The following PTPN13 variants were observed in gnomAD, a reference collection of about 807,000 sequenced individuals.
The protein encoded by PTPN13 is protein tyrosine phosphatase non-receptor type 13.
A neutral mutation model predicts 284.0 loss-of-function variants in PTPN13; 191 were observed. That is an observed-to-expected ratio of 0.67 (90% CI 0.60 to 0.76). The LOEUF is 0.76. Ranked by LOEUF, PTPN13 falls within the 30% of genes least tolerant of loss-of-function variation. The pLI is 0.00. For missense variants in PTPN13, 2,797 were observed against 2,939.9 expected, an observed-to-expected ratio of 0.95 and a Z score of 1.12; for synonymous variants, 986 against 1,022.3, an observed-to-expected ratio of 0.96 and a Z score of 0.68.
chr4:86,606,107 T>C (rs1243957959), intron 1 of PTPN13, among the ~76,000 whole-genome samples: 2 of 151,886 alleles, frequency 1.3e-5, no homozygotes, highest in Non-Finnish European at 3.0e-5. Flanking sequence ...ATTTGCTCAA[T>C]AAGCCAACTA....
Position 86,809,796 on chromosome 4 carries a change from C to G in PTPN13, c.7111C>G (p.Leu2371Val), listed in dbSNP as rs200561858. ...CAGAGAGGTGCGCCATATTTCTCAT[C>G]TGAATTTCACTGCCTGGCCAGACCA... ...QTREVRHISH[L>V]NFTAWPDHDT... is the part of the protein sequence containing the mutation. Residue 2371 changes from leucine to valine, a missense_variant, in exon 46 of 48, where the codon CTG (leucine) becomes GTG (valine). By Grantham distance (32) the Leu-to-Val change is conservative (BLOSUM62 1). Transcript: ENST00000411767. The G allele has an allele frequency of 5.6e-5, 90 of 1,614,044 alleles. No homozygotes were observed. In the African/African-American group the frequency reaches 1.1e-3, roughly 21 times the overall value.
rs528754219 is a variant in PTPN13 at position 86,623,199 on chromosome 4, G to A, written c.-5-12053G>A. Among the ~76,000 whole-genome samples the A allele has an allele frequency of 1.1e-4, 16 of 152,260 alleles. No individual in the cohort carries two copies. In the South Asian group the frequency reaches 2.3e-3, roughly 22 times the overall value. ...GCTGGTGTAAGTCATGGAGTCTAAA[G>A]ACAGGCAGGTATGCAGTTCTGATGT... On this transcript the variant is annotated intron_variant, in intron 1 of 47. Transcript: ENST00000411767.
At position 86,732,644 on chromosome 4, in the gene PTPN13, T is replaced by C; in HGVS notation, c.1736T>C (p.Leu579Pro). Residue 579 changes from leucine (L) to proline (P), a missense_variant, in exon 12 of 48, where the codon CTG becomes CCG. By Grantham distance (98) the Leu-to-Pro change is moderately conservative. Transcript: ENST00000411767. ...DNRRKVNIML[L>P]NGQRLELTCD... is the part of the protein sequence containing the mutation. ...CGAAGGAAAGTAAACATAATGCTTC[T>C]GAACGGGCAAAGACTGGAACTGACC... 1.2e-6 allele frequency: 2 copies of C among 1,613,676 alleles called. No homozygotes were observed. Among genetic ancestry groups the C allele is most frequent in the Non-Finnish European group, 1.7e-6 (2 of 1,179,694 alleles).
chr4:86,644,546 T>G (rs929356044), intron 2 of PTPN13, among the ~76,000 whole-genome samples: 3 of 152,170 alleles, frequency 2.0e-5, no homozygotes, highest in Non-Finnish European at 2.9e-5. Context: ...TAATAGCACT[T>G]CTATACAAAC....
In PTPN13 at chr4:86,762,819, A is replaced by G. The variant is rs1738850663; in HGVS notation, c.3646A>G (p.Lys1216Glu). The change falls in exon 24 of 48, where the codon AAG becomes GAG. Residue 1216 changes from lysine to glutamate, a missense_variant. Coordinates refer to ENST00000411767, the MANE Select transcript of PTPN13 (RefSeq NM_080683.3). ...MQDSAIDSSS[K>E]DHHWSRGTLR... is the part of the protein sequence containing the mutation. ...AGACAGTGCTATAGATTCTTCTTCC[A>G]AGGATCACCACTGGTCACGTGGTAC... 1 of 1,613,774 alleles carries G rather than the reference A, an allele frequency of 6.2e-7. No individual in the cohort carries two copies. The highest frequency in any genetic ancestry group is 8.5e-7 in the Non-Finnish European group (1 of 1,179,808).
At chr4:86,595,847 G>GC (rs1763701484) in intron 1 of PTPN13, 1 of 708,328 alleles carries the variant, frequency 1.4e-6, no homozygotes, top group African/African-American at 2.0e-5. Flanking sequence ...CTAAAGGATG[G>GC]GGGGGGGAGT....
At chr4:86,657,672 A>G (rs1316456493) in intron 2 of PTPN13, among the ~76,000 whole-genome samples, 1 of 152,184 alleles carries the variant, frequency 6.6e-6, no homozygotes, top group Non-Finnish European at 1.5e-5. Flanking sequence ...TTCAAGGACC[A>G]TGACCACTTT....
In PTPN13 at chr4:86,672,348, G is replaced by A; in HGVS notation, c.116-17G>A. The A allele has an allele frequency of 6.7e-7, 1 of 1,489,536 alleles. No individual in the cohort carries two copies. Among genetic ancestry groups the A allele is most frequent in the Non-Finnish European group, 8.9e-7 (1 of 1,120,986 alleles). The allele number at this position is 1,489,536 out of a possible 1,614,324, so 92.3% of individuals were successfully genotyped here. On this transcript the variant is annotated splice_polypyrimidine_tract_variant and intron_variant, in intron 2 of 47. Coordinates refer to ENST00000411767, the MANE Select transcript of PTPN13 (RefSeq NM_080683.3). ...TTCTTTTTTTTTATTTTTTATTTTG[G>A]TGCAATTACAAACCAGTAAGCCTAG... is the stretch of plus-strand genomic sequence containing the variant.
At chr4:86,794,969 A>C (rs1250663024) in intron 40 of PTPN13, among the ~76,000 whole-genome samples, 2 of 152,232 alleles carry the variant, frequency 1.3e-5, no homozygotes, top group South Asian at 2.1e-4. Context: ...AGGTGGTACT[A>C]TTCAGGACAT....
intron 3 of PTPN13, among the ~76,000 whole-genome samples, chr4:86,675,337 C>A (rs967455208): frequency 6.6e-6 from 1 of 152,114 alleles, no homozygotes; most frequent in African/African-American, 2.4e-5. Flanking sequence ...TTTCTTGATC[C>A]TATTCATAAC....
chr4:86,775,112 A>G, intron 33 of PTPN13, 59 bp from the exon 34 acceptor site: 3 of 1,304,384 alleles, frequency 2.3e-6, no homozygotes, highest in Middle Eastern at 2.2e-4. Context: ...TTTCTTGGCA[A>G]TTTAGCTTCT....
At chr4:86,723,878 T>C (rs1002553896) in intron 10 of PTPN13, among the ~76,000 whole-genome samples, 2 of 152,154 alleles carry the variant, frequency 1.3e-5, no homozygotes, top group Admixed American at 6.5e-5. Flanking sequence ...CACTAAGAAA[T>C]TGTATTACCC....
rs373026399 is a variant in PTPN13, at chr4:86,734,887, G to A, written c.2151+12G>A. ...ATTATCAACCAGAGGTAGGATTTGT[G>A]TTTTTTTCCAGGACCATTTTTGTTT... On this transcript the variant is annotated intron_variant, in intron 14 of 47. Transcript: ENST00000411767. The A allele has an allele frequency of 2.5e-6, 4 of 1,605,210 alleles. No homozygotes were observed. Among genetic ancestry groups the A allele is most frequent in the Non-Finnish European group, 3.4e-6 (4 of 1,173,738 alleles).
intron 2 of PTPN13, among the ~76,000 whole-genome samples, chr4:86,662,682 G>T (rs1726647820): frequency 6.6e-6 from 1 of 152,146 alleles, no homozygotes; most frequent in Non-Finnish European, 1.5e-5. Context: ...TTAGAAGTCT[G>T]CAGCTAAAAT....
intron 5 of PTPN13, among the ~76,000 whole-genome samples, chr4:86,693,372 C>T (rs1042743712): frequency 6.6e-6 from 1 of 152,098 alleles, no homozygotes; most frequent in Admixed American, 6.5e-5. Flanking sequence ...TGCTTCTTCC[C>T]TTTTAATTTT....
rs1197735766 is a variant in PTPN13, at chr4:86,681,879, A to G, written c.295-4831A>G. Among the ~76,000 whole-genome samples, 4 of 152,178 alleles carry G rather than the reference A, an allele frequency of 2.6e-5. No individual in the cohort carries two copies. In the East Asian group the frequency reaches 7.7e-4, roughly 29 times the overall value. On this transcript the variant is annotated intron_variant, in intron 3 of 47. Coordinates refer to ENST00000411767, the MANE Select transcript of PTPN13 (RefSeq NM_080683.3). ...AGGAGGCGAAGGTTGCAGTGAGCTG[A>G]GATTGCACCACTGCACTCCAGCCTG...
chr4:86,706,413 T>C (rs1259699003), intron 7 of PTPN13, among the ~76,000 whole-genome samples: 2 of 152,210 alleles, frequency 1.3e-5, no homozygotes, highest in Non-Finnish European at 2.9e-5. Flanking sequence ...TTATATAATT[T>C]TTAATACAGT....
intron 2 of PTPN13, among the ~76,000 whole-genome samples, chr4:86,671,756 C>T (rs185772044): frequency 1.1e-4 from 16 of 152,282 alleles, no homozygotes; most frequent in Admixed American, 4.6e-4. Context: ...AAAATATATA[C>T]TTCGACTCAA....
chr4:86,620,790 T>C (rs1721140588), intron 1 of PTPN13, among the ~76,000 whole-genome samples: 1 of 152,236 alleles, frequency 6.6e-6, no homozygotes, highest in Non-Finnish European at 1.5e-5. Flanking sequence ...ACTATCTCTT[T>C]CTAGCAGGTC....
Sources: allele counts gnomAD v4.1 joint callset (sites outside exome capture counted in the v4.1 genomes callset), GRCh38; gene constraint gnomAD v4.1.1; transcripts MANE v1.5; gene names NCBI Gene and HGNC (gene_info 2026-07-23, HGNC 2026-07-21).